SLCO1B3: variants seen among roughly 807,000 people sequenced by gnomAD.
The protein encoded by SLCO1B3 is liver-specific organic anion transporter 2.
Under a neutral mutation model 71.8 loss-of-function variants are expected in SLCO1B3, and 72 were observed. That is an observed-to-expected ratio of 1.00 (90% CI 0.83 to 1.22). SLCO1B3 has a LOEUF of 1.22. SLCO1B3 is among the 50% of genes most tolerant of loss of function. The pLI is 0.00. For synonymous variants in SLCO1B3, 298 were observed against 278.4 expected (o/e 1.07, Z -0.70); for missense variants, 911 against 819.7 (o/e 1.11, Z -1.36).
At chr12:20,862,721 T>C in intron 7 of SLCO1B3, 35 bp from the exon 8 acceptor site, 1 of 1,528,096 alleles carries the variant, frequency 6.5e-7, no homozygotes, top group Non-Finnish European at 9.0e-7. Context: ...CAAGTATTTG[T>C]GACATCTGAT....
At chr12:20,864,091 G>A (rs1292422950) in intron 8 of SLCO1B3, among the ~76,000 whole-genome samples, 1 of 151,962 alleles carries the variant, frequency 6.6e-6, no homozygotes, top group African/African-American at 2.4e-5. Context: ...ACTATGCCCT[G>A]TAATCTCACA....
chr12:20,895,482 A>G (rs1057348428), intron 13 of SLCO1B3, among the ~76,000 whole-genome samples: 2 of 152,224 alleles, frequency 1.3e-5, no homozygotes, highest in Non-Finnish European at 2.9e-5. Context: ...CCAGCAGGGC[A>G]GTCAAAACTT....
intron 3 of SLCO1B3, among the ~76,000 whole-genome samples, chr12:20,829,340 T>C (rs1331642888): frequency 6.6e-6 from 1 of 152,200 alleles, no homozygotes; most frequent in East Asian, 1.9e-4. Flanking sequence ...TCTACCATCC[T>C]AGAAGCAGGG....
At position 20,879,519 on chromosome 12, in the gene SLCO1B3, A is replaced by G; in HGVS notation, c.1219A>G (p.Ile407Val). The change falls in exon 11 of 16, where the codon ATT becomes GTT. Residue 407 changes from isoleucine (I) to valine (V), a missense_variant. Coordinates refer to ENST00000381545, the MANE Select transcript of SLCO1B3 (RefSeq NM_019844.4). Reference protein sequence around the residue: ...IKKFKLSLVGIAKFSFLTSMI... With the variant: ...IKKFKLSLVGVAKFSFLTSMI... ...AAAATTCAAATTGTCTTTAGTTGGA[A>G]TTGCCAAATTTTCATTTCTTACTTC... 6.2e-7 allele frequency: 1 copy of G among 1,611,170 alleles called. No individual in the cohort carries two copies. Among genetic ancestry groups the G allele is most frequent in the South Asian group, 1.1e-5 (1 of 91,016 alleles).
In SLCO1B3 at chr12:20,881,038, C is replaced by T. The variant is rs780727638; in HGVS notation, c.1497+18C>T. 1 of 1,542,856 alleles carries T rather than the reference C, an allele frequency of 6.5e-7. No individual in the cohort carries two copies. Among genetic ancestry groups the T allele is most frequent in the Non-Finnish European group, 8.8e-7 (1 of 1,135,496 alleles). The stretch of plus-strand genomic sequence containing the variant: ...AGCATACAGTGAGTATTAGTTTTCA[C>T]TTTTTCTCCTCTCCTTAATCAAAAT... On this transcript the variant is annotated intron_variant, in intron 12 of 15. Coordinates refer to ENST00000381545, the MANE Select transcript of SLCO1B3 (RefSeq NM_019844.4).
chr12:20,914,632 G>A (rs1440178796), intron 15 of SLCO1B3, among the ~76,000 whole-genome samples: 1 of 151,710 alleles, frequency 6.6e-6, no homozygotes, highest in Non-Finnish European at 1.5e-5. Context: ...ATGTATATCC[G>A]AGTTTATGAC....
intron 5 of SLCO1B3, among the ~76,000 whole-genome samples, chr12:20,859,966 T>TC: frequency 6.7e-6 from 1 of 148,304 alleles, no homozygotes; most frequent in Non-Finnish European, 1.5e-5. Context: ...TTTTTTTTTT[T>TC]TTTTTTTTGA....
chr12:20,832,519 GAA>G (rs1864564591), intron 3 of SLCO1B3, among the ~76,000 whole-genome samples: 1 of 151,382 alleles, frequency 6.6e-6, no homozygotes, highest in Admixed American at 6.6e-5. Flanking sequence ...TAGAGCAAAA[GAA>G]AAAGTCTCCC....
At chr12:20,817,886 G>C (rs1565575746) in intron 3 of SLCO1B3, among the ~76,000 whole-genome samples, 1 of 152,150 alleles carries the variant, frequency 6.6e-6, no homozygotes. Flanking sequence ...ACCGTGCCTG[G>C]CCACTCTGTA....
intron 3 of SLCO1B3, 139 bp from the exon 4 acceptor site, chr12:20,854,889 C>T (rs1865101403): frequency 5.3e-6 from 4 of 756,988 alleles, no homozygotes; most frequent in Admixed American, 5.8e-5. Flanking sequence ...GAAGTTTCAA[C>T]TTGTATAGGG....
chr12:20,846,326 A>G (rs1442668457), intron 3 of SLCO1B3, among the ~76,000 whole-genome samples: 1 of 152,168 alleles, frequency 6.6e-6, no homozygotes, highest in Non-Finnish European at 1.5e-5. Context: ...CATGTGGATA[A>G]TTTTGAACAT....
intron 3 of SLCO1B3, among the ~76,000 whole-genome samples, chr12:20,819,631 G>A (rs1173401449): frequency 6.6e-6 from 1 of 152,192 alleles, no homozygotes; most frequent in African/African-American, 2.4e-5. Flanking sequence ...TGTAAGGCTT[G>A]TCTGGTTTTA....
At chr12:20,857,827 A>G (rs1865171757) in intron 4 of SLCO1B3, among the ~76,000 whole-genome samples, 1 of 152,016 alleles carries the variant, frequency 6.6e-6, no homozygotes, top group African/African-American at 2.4e-5. Flanking sequence ...GAATTGGTCT[A>G]CTCTTATTGC....
At chr12:20,907,511 CTT>C (rs753028322) in intron 15 of SLCO1B3, among the ~76,000 whole-genome samples, 8 of 124,748 alleles carry the variant, frequency 6.4e-5, no homozygotes, top group Admixed American at 8.4e-5. Context: ...CCTTCCCTTC[CTT>C]TTTTTTTTTT....
intron 3 of SLCO1B3, among the ~76,000 whole-genome samples, chr12:20,831,879 T>C (rs1864549070): frequency 6.6e-6 from 1 of 152,160 alleles, no homozygotes; most frequent in Non-Finnish European, 1.5e-5. Flanking sequence ...TATGAGATAT[T>C]GCGCTAGTGT....
intron 3 of SLCO1B3, among the ~76,000 whole-genome samples, chr12:20,853,503 C>T (rs989717994): frequency 7.2e-5 from 11 of 151,794 alleles, no homozygotes; most frequent in Admixed American, 6.6e-4. Context: ...CTATGTTTTC[C>T]AGTTTGTTGG....
In SLCO1B3 at chr12:20,835,328, T is replaced by A. The variant is rs1864656003; in HGVS notation, c.84+19506T>A. Among the ~76,000 whole-genome samples, 4 of 152,170 alleles carry A rather than the reference T, an allele frequency of 2.6e-5. No individual in the cohort carries two copies. In the South Asian group the frequency reaches 8.3e-4, roughly 32 times the overall value. On this transcript the variant is annotated intron_variant, in intron 3 of 15. Coordinates refer to ENST00000381545, the MANE Select transcript of SLCO1B3 (RefSeq NM_019844.4). ...ATTGTCTTGGCAATTAACATTTGTC[T>A]CCTCATTACTTACTCAAATTTCTGC...
At chr12:20,833,301 A>T (rs1285200332) in intron 3 of SLCO1B3, among the ~76,000 whole-genome samples, 1 of 151,984 alleles carries the variant, frequency 6.6e-6, no homozygotes, top group African/African-American at 2.4e-5. Context: ...TAACATATTT[A>T]CAAGTTCTGG....
intron 3 of SLCO1B3, among the ~76,000 whole-genome samples, chr12:20,819,971 A>G: frequency 6.6e-6 from 1 of 152,054 alleles, no homozygotes; most frequent in Non-Finnish European, 1.5e-5. Context: ...ATTTGGTTAA[A>G]ATATCTCGGC....
Sources: gnomAD v4.1 joint callset for allele counts (sites outside exome capture counted in the v4.1 genomes callset) on GRCh38, gnomAD v4.1.1 for gene constraint, MANE v1.5 for transcripts, NCBI Gene and HGNC (gene_info 2026-07-23, HGNC 2026-07-21) for gene names.